Variants in TRAFD1 observed in about 807,000 individuals in gnomAD.
TRAFD1 encodes TRAF-type zinc finger domain-containing protein 1.
TRAFD1 carries 38 observed loss-of-function variants against 65.3 expected under a neutral mutation model. The ratio of observed to expected loss-of-function variants is 0.58; its 90% CI spans 0.45 to 0.76. The LOEUF is 0.76. Among genes scored for constraint, TRAFD1 ranks in the 30% least tolerant of loss-of-function variants. The probability of loss-of-function intolerance (pLI) is 0.00; values close to 1 mark genes in which losing one functional copy is unlikely to be tolerated. For synonymous variants in TRAFD1, 223 were observed against 257.2 expected (o/e 0.87, Z 1.27); for missense variants, 631 against 712.6 (o/e 0.89, Z 1.30).
At chr12:112,142,581 C>T (rs1359365846) in intron 6 of TRAFD1, among the ~76,000 whole-genome samples, 1 of 151,168 alleles carries the variant, frequency 6.6e-6, no homozygotes, top group South Asian at 2.1e-4. Flanking sequence ...ACCCAGGAGG[C>T]AGAGGTTGCA....
chr12:112,150,002 T>G (rs779123594), intron 9 of TRAFD1, 131 bp downstream of exon 9: 1 of 1,302,318 alleles, frequency 7.7e-7, no homozygotes, highest in Non-Finnish European at 1.0e-6. Context: ...TAGGGTCTCA[T>G]AGGGGACTCC....
Position 112,152,467 on chromosome 12 carries a change from G to T in TRAFD1, c.1660G>T (p.Ala554Ser). The T allele has an allele frequency of 6.2e-7, 1 of 1,613,924 alleles. No homozygotes were observed. The highest frequency in any genetic ancestry group is 8.5e-7 in the Non-Finnish European group (1 of 1,180,032). Residue 554 changes from alanine to serine, a missense_variant, in exon 11 of 12, where the codon GCA (alanine) becomes TCA (serine). Ala to Ser is a moderately conservative substitution (Grantham distance 99). Coordinates refer to ENST00000412615, the MANE Select transcript of TRAFD1 (RefSeq NM_006700.3). The surrounding 1 kb of genome is among the most constrained non-coding windows in gnomAD (Gnocchi z 5.0). ...TGGCAGGAATTCCCGGGTCACCCCT[G>T]CAGCTGCCAACTACCGCAGCAGAAC... The part of the protein sequence containing the change: ...EGGRNSRVTP[A>S]AANYRSRTAK...
Position 112,145,581 on chromosome 12 carries a change from CCTA to C in TRAFD1, c.851-4_851-2del. On this transcript the variant is annotated splice_acceptor_variant and splice_polypyrimidine_tract_variant and intron_variant, in intron 6 of 11. Coordinates refer to ENST00000412615, the MANE Select transcript of TRAFD1 (RefSeq NM_006700.3). LOFTEE classifies it high-confidence loss of function. ...CTGAGTCTCATTGTGTGGCCTAATA[CCTA>C]GGTGCAGCTGACGAGATCATGTTGC... 6.2e-7 allele frequency: 1 copy of C among 1,613,944 alleles called. No individual in the cohort carries two copies. Among genetic ancestry groups the C allele is most frequent in the Non-Finnish European group, 8.5e-7 (1 of 1,179,944 alleles).
At chr12:112,127,892 C>G (rs2079548621) in intron 1 of TRAFD1, among the ~76,000 whole-genome samples, 1 of 151,050 alleles carries the variant, frequency 6.6e-6, no homozygotes, top group Admixed American at 6.6e-5. Flanking sequence ...TTTATAAAGG[C>G]AGGGTCTTAC....
At chr12:112,149,527 C>G (rs1363623020) in intron 8 of TRAFD1, 1 of 443,392 alleles carries the variant, frequency 2.3e-6, no homozygotes, top group Non-Finnish European at 4.0e-6. Context: ...ATCAGCCCTT[C>G]CCGCATCCCT....
At chr12:112,149,917 G>A in intron 9 of TRAFD1, 46 bp downstream of exon 9, 1 of 1,608,384 alleles carries the variant, frequency 6.2e-7, no homozygotes, top group Non-Finnish European at 8.5e-7. Flanking sequence ...TCTACTGCTG[G>A]CTCCGGCCTG....
chr12:112,141,471 A>G, intron 5 of TRAFD1: 1 of 472,800 alleles, frequency 2.1e-6, no homozygotes, highest in Non-Finnish European at 3.7e-6. Context: ...AGTATCCCTT[A>G]TCCAAAATAC....
At chr12:112,146,108 A>G (rs1453398102) in intron 7 of TRAFD1, among the ~76,000 whole-genome samples, 3 of 150,410 alleles carry the variant, frequency 2.0e-5, no homozygotes, top group Non-Finnish European at 4.4e-5. Context: ...AGCATGGCAC[A>G]TGTATACATA....
At chr12:112,132,424 G>T (rs1237397130) in intron 2 of TRAFD1, among the ~76,000 whole-genome samples, 1 of 152,168 alleles carries the variant, frequency 6.6e-6, no homozygotes, top group Non-Finnish European at 1.5e-5. Context: ...CACCAGTAAT[G>T]TATTAAAGTA....
chr12:112,141,388 T>C (rs2030086556), intron 5 of TRAFD1, 164 bp downstream of exon 5: 4 of 808,434 alleles, frequency 4.9e-6, no homozygotes, highest in Admixed American at 2.9e-5. Flanking sequence ...ATAACCTCCA[T>C]TGGATTATAG....
intron 4 of TRAFD1, among the ~76,000 whole-genome samples, chr12:112,139,137 G>T (rs1359163365): frequency 6.6e-5 from 10 of 151,976 alleles, no homozygotes; most frequent in African/African-American, 2.2e-4. Context: ...TAGGAGTTTT[G>T]AGATCAACCT....
In TRAFD1 at chr12:112,148,316, T is replaced by A. The variant is rs780050214; in HGVS notation, c.1158+12T>A. 1.2e-6 allele frequency: 2 copies of A among 1,611,668 alleles called. No individual in the cohort carries two copies. The highest frequency in any genetic ancestry group is 4.5e-5 in the East Asian group (2 of 44,864). ...TGTTCCATCACCAGGTAAGGGTCCC[T>A]GGAGTCCCTGTCCATGTGGCTCTGT... On this transcript the variant is annotated intron_variant, in intron 8 of 11. Coordinates refer to ENST00000412615, the MANE Select transcript of TRAFD1 (RefSeq NM_006700.3).
Position 112,130,376 on chromosome 12 carries a change from G to A in TRAFD1, c.-12-135G>A. ...AAAATAAGAAAATCCCAAGGGACTG[G>A]ATATTGAATAAAATGCTTTAACATG... On this transcript the variant is annotated intron_variant, in intron 1 of 11. Coordinates refer to ENST00000412615, the MANE Select transcript of TRAFD1 (RefSeq NM_006700.3). This position sits in a 1 kb window ranked among gnomAD's most constrained non-coding sequence, Gnocchi z 4.4. The A allele has an allele frequency of 1.8e-6, 1 of 549,440 alleles. No individual in the cohort carries two copies. The highest frequency in any genetic ancestry group is 2.7e-5 in the South Asian group (1 of 37,710). 34.0% of individuals were successfully genotyped at this position (549,440 alleles called of 1,614,324 possible). A position where few individuals can be genotyped will look rare whatever the true frequency, so the allele number is the denominator to read the frequency against.
chr12:112,134,373 A>T (rs778430151), intron 2 of TRAFD1, among the ~76,000 whole-genome samples: 1 of 145,640 alleles, frequency 6.9e-6, no homozygotes, highest in South Asian at 2.2e-4. Flanking sequence ...CTCCTGCCTC[A>T]GCCTCCCGAG....
intron 4 of TRAFD1, among the ~76,000 whole-genome samples, chr12:112,139,622 C>A (rs2030026557): frequency 6.6e-6 from 1 of 152,128 alleles, no homozygotes; most frequent in Non-Finnish European, 1.5e-5. Context: ...GGGGTTTCAC[C>A]ATGTTGGTCA....
intron 8 of TRAFD1, 67 bp from the exon 9 acceptor site, chr12:112,149,684 C>T: frequency 1.2e-6 from 2 of 1,601,798 alleles, no homozygotes; most frequent in Non-Finnish European, 1.7e-6. Flanking sequence ...TGCTGTTCCT[C>T]CCATCGCATG....
intron 6 of TRAFD1, 91 bp from the exon 7 acceptor site, chr12:112,145,495 C>A: frequency 7.7e-7 from 1 of 1,303,664 alleles, no homozygotes; most frequent in Non-Finnish European, 1.1e-6. Flanking sequence ...GAAAGCCAAA[C>A]TTCTATATAA....
chr12:112,140,924 C>T lies in TRAFD1; in HGVS notation c.343C>T (p.Leu115=), dbSNP rs1319657103. The change falls in exon 5 of 12, where the codon CTA becomes TTA. Residue 115 remains leucine, a synonymous_variant. Coordinates refer to ENST00000412615, the MANE Select transcript of TRAFD1 (RefSeq NM_006700.3). ...AGATTATTGTGGTGCCCGGACGGAA[C>T]TATGTGGCAACTGTGGTCGCAATGT... ...HEDYCGARTE[L]CGNCGRNVLV... The T allele has an allele frequency of 1.9e-6, 3 of 1,614,022 alleles. No individual in the cohort carries two copies. The highest frequency in any genetic ancestry group is 4.5e-5 in the East Asian group (2 of 44,898).
chr12:112,145,110 T>TA (rs1218286470), intron 6 of TRAFD1, among the ~76,000 whole-genome samples: 1 of 152,218 alleles, frequency 6.6e-6, no homozygotes, highest in Non-Finnish European at 1.5e-5. Context: ...ATCTTGGGTT[T>TA]AAAATGTATC....
Sources: allele counts gnomAD v4.1 joint callset (sites outside exome capture counted in the v4.1 genomes callset), GRCh38; gene constraint gnomAD v4.1.1; non-coding constraint Gnocchi (gnomAD v3.1); transcripts MANE v1.5; gene names NCBI Gene and HGNC (gene_info 2026-07-23, HGNC 2026-07-21).